THSD7A: variants seen among roughly 807,000 people sequenced by gnomAD.
THSD7A encodes thrombospondin type-1 domain-containing protein 7A.
THSD7A carries 96 observed loss-of-function variants against 231.3 expected under a neutral mutation model. The observed-to-expected ratio is 0.41, with a 90% CI of 0.35 to 0.49. The LOEUF is 0.49. THSD7A is among the 20% of genes least tolerant of loss of function. The pLI is 0.05. For missense variants in THSD7A, 2,290 were observed against 2,070.2 expected, an observed-to-expected ratio of 1.11 and a Z score of -2.06; for synonymous variants, 940 against 743.3, an observed-to-expected ratio of 1.26 and a Z score of -4.30.
At chr7:11,387,121 G>T (rs915292621) in intron 23 of THSD7A, among the ~76,000 whole-genome samples, 1 of 152,156 alleles carries the variant, frequency 6.6e-6, no homozygotes, top group East Asian at 1.9e-4. Context: ...TAGCCTTGTA[G>T]TATGGTTTGA....
chr7:11,756,315 C>T (rs531118256), intron 1 of THSD7A, among the ~76,000 whole-genome samples: 2 of 152,098 alleles, frequency 1.3e-5, no homozygotes, highest in South Asian at 4.2e-4. Context: ...CTTCTAGGGT[C>T]AAGACTGGAT....
intron 4 of THSD7A, among the ~76,000 whole-genome samples, chr7:11,546,202 G>GTGCA (rs1789383127): frequency 7.7e-6 from 1 of 129,374 alleles, no homozygotes; most frequent in African/African-American, 2.9e-5. Flanking sequence ...GTGGGCGCGC[G>GTGCA]CTCACACACA....
chr7:11,712,112 T>A (rs1026266650), intron 1 of THSD7A, among the ~76,000 whole-genome samples: 2 of 151,052 alleles, frequency 1.3e-5, no homozygotes, highest in African/African-American at 4.8e-5. Flanking sequence ...ACTAGACTTC[T>A]GTCTATGGTA....
chr7:11,656,796 T>C (rs1334968765), intron 1 of THSD7A, among the ~76,000 whole-genome samples: 1 of 151,854 alleles, frequency 6.6e-6, no homozygotes, highest in Non-Finnish European at 1.5e-5. Context: ...GAGAAATACC[T>C]GAAGTCGGAA....
chr7:11,574,065 C>G (rs75), intron 4 of THSD7A, among the ~76,000 whole-genome samples: 2 of 152,074 alleles, frequency 1.3e-5, no homozygotes, highest in African/African-American at 4.8e-5. Context: ...AGAGACGTCA[C>G]GTAGAAAGAT....
chr7:11,628,784 A>G (rs891977678), intron 2 of THSD7A, among the ~76,000 whole-genome samples: 1 of 152,198 alleles, frequency 6.6e-6, no homozygotes, highest in Admixed American at 6.5e-5. Flanking sequence ...TAAACTAACA[A>G]TGACATAGAA....
At chr7:11,819,687 C>T (rs571842989) in intron 1 of THSD7A, among the ~76,000 whole-genome samples, 3 of 152,200 alleles carry the variant, frequency 2.0e-5, no homozygotes, top group East Asian at 3.9e-4. Flanking sequence ...AGAAGGAGCA[C>T]AGGGAATTTT....
intron 6 of THSD7A, among the ~76,000 whole-genome samples, chr7:11,533,672 T>C (rs1788796671): frequency 6.6e-6 from 1 of 152,040 alleles, no homozygotes; most frequent in Non-Finnish European, 1.5e-5. Context: ...TTCTCACTCA[T>C]AAGTGGGAGG....
chr7:11,407,133 C>A, intron 20 of THSD7A, 78 bp from the exon 21 acceptor site: 1 of 1,554,726 alleles, frequency 6.4e-7, no homozygotes, highest in Non-Finnish European at 8.8e-7. Context: ...GAGAAGGCAT[C>A]ACAGTGATAT....
chr7:11,486,679 C>T (rs1357633219), intron 6 of THSD7A, among the ~76,000 whole-genome samples: 1 of 152,178 alleles, frequency 6.6e-6, no homozygotes, highest in African/African-American at 2.4e-5. Flanking sequence ...TTAGAATCCT[C>T]CTTATGCTTC....
intron 1 of THSD7A, among the ~76,000 whole-genome samples, chr7:11,807,059 T>C (rs1157822391): frequency 2.0e-5 from 3 of 152,136 alleles, no homozygotes; most frequent in African/African-American, 4.8e-5. Context: ...ATATTTGGTG[T>C]TGACATTATG....
chr7:11,433,951 A>T (rs1310612076), intron 13 of THSD7A, among the ~76,000 whole-genome samples: 1 of 152,078 alleles, frequency 6.6e-6, no homozygotes, highest in Non-Finnish European at 1.5e-5. Flanking sequence ...AGAAACTGAG[A>T]TAAAGATAAA....
chr7:11,778,585 G>T (rs149924207), intron 1 of THSD7A, among the ~76,000 whole-genome samples: 1 of 152,060 alleles, frequency 6.6e-6, no homozygotes, highest in Non-Finnish European at 1.5e-5. Flanking sequence ...TTAGAAATTC[G>T]TCAGCTTAGA....
At chr7:11,704,167 T>A (rs1486409001) in intron 1 of THSD7A, among the ~76,000 whole-genome samples, 1 of 151,048 alleles carries the variant, frequency 6.6e-6, no homozygotes, top group South Asian at 2.1e-4. Flanking sequence ...ACAAGTTATT[T>A]GAAATTTCAA....
chr7:11,801,516 C>T (rs1784277748), intron 1 of THSD7A, among the ~76,000 whole-genome samples: 1 of 152,112 alleles, frequency 6.6e-6, no homozygotes, highest in Admixed American at 6.5e-5. Flanking sequence ...AACCCTGGTG[C>T]ATATGAGTTC....
chr7:11,678,194 G>A (rs756181200), intron 1 of THSD7A, among the ~76,000 whole-genome samples: 2 of 152,004 alleles, frequency 1.3e-5, no homozygotes, highest in Non-Finnish European at 2.9e-5. Context: ...CAGCTAAAGC[G>A]GTGTCTAGAG....
intron 7 of THSD7A, among the ~76,000 whole-genome samples, chr7:11,478,862 C>T (rs1476036456): frequency 2.6e-5 from 4 of 152,092 alleles, no homozygotes; most frequent in Non-Finnish European, 4.4e-5. Context: ...ATACTCCTCT[C>T]ATTTTAGCAC....
chr7:11,423,256 T>A (rs968889940), intron 16 of THSD7A, among the ~76,000 whole-genome samples: 28 of 152,256 alleles, frequency 1.8e-4, no homozygotes, highest in Middle Eastern at 3.4e-3. Context: ...AAAACAAATA[T>A]TAACTTGTTC....
Position 11,675,245 on chromosome 7 carries a change from T to C in THSD7A, c.191-38284A>G, listed in dbSNP as rs189548963. On this transcript the variant is annotated intron_variant, in intron 1 of 27. Transcript: ENST00000423059. ...ACAGTGCTATTCGGCACAGATACTATGCTTTTACCATGGTCTTCACAACCC... is the reference window on the plus strand; with the variant it reads ...ACAGTGCTATTCGGCACAGATACTACGCTTTTACCATGGTCTTCACAACCC... Among the ~76,000 whole-genome samples, 12 of 152,256 alleles carry C rather than the reference T, an allele frequency of 7.9e-5. No individual in the cohort carries two copies. The East Asian group carries it at 2.1e-3, about 27-fold the overall frequency.
Sources: gnomAD v4.1 joint callset for allele counts (sites outside exome capture counted in the v4.1 genomes callset) on GRCh38, gnomAD v4.1.1 for gene constraint, MANE v1.5 for transcripts, NCBI Gene and HGNC (gene_info 2026-07-23, HGNC 2026-07-21) for gene names.